LRP1B: variants seen among roughly 807,000 people sequenced by gnomAD.
The protein encoded by LRP1B is low-density lipoprotein receptor-related protein 1B.
A neutral mutation model predicts 556.6 loss-of-function variants in LRP1B; 217 were observed. That is an observed-to-expected ratio of 0.39 (90% CI 0.35 to 0.44). LRP1B has a LOEUF of 0.44. Among genes scored for constraint, LRP1B ranks in the 20% least tolerant of loss-of-function variants. The pLI, the probability that LRP1B is intolerant of heterozygous loss-of-function variation, is 1.00. For missense variants in LRP1B, 5,053 were observed against 5,620.8 expected (o/e 0.90, Z 3.23); for synonymous variants, 2,047 against 1,865.8 (o/e 1.10, Z -2.50).
chr2:141,628,446 G>T (rs975615937), intron 2 of LRP1B, among the ~76,000 whole-genome samples: 5 of 151,512 alleles, frequency 3.3e-5, no homozygotes, highest in Non-Finnish European at 7.4e-5. Flanking sequence ...TGAATAGGAT[G>T]TAAAAAAAAA....
intron 1 of LRP1B, among the ~76,000 whole-genome samples, chr2:141,932,428 CT>C (rs1486397975): frequency 6.6e-6 from 1 of 151,942 alleles, no homozygotes; most frequent in Non-Finnish European, 1.5e-5. Context: ...AAAGTGATGA[CT>C]TTGGGCCTCT....
At position 141,661,483 on chromosome 2, in the gene LRP1B, T is replaced by C. The variant is rs1392061458; in HGVS notation, c.205+148796A>G. Among the ~76,000 whole-genome samples, 4 of 152,230 alleles carry C rather than the reference T, an allele frequency of 2.6e-5. No individual in the cohort carries two copies. The South Asian group carries it at 8.3e-4, about 32-fold the overall frequency. On this transcript the variant is annotated intron_variant, in intron 2 of 90. Transcript: ENST00000389484. ...AGAATAGCCAGTTTAGAAAGAAACA[T>C]AAATGACCTGATGGACTTGAAAAAC...
intron 3 of LRP1B, among the ~76,000 whole-genome samples, chr2:141,392,513 T>A (rs1186071737): frequency 2.8e-5 from 4 of 140,692 alleles, no homozygotes; most frequent in Non-Finnish European, 6.2e-5. Flanking sequence ...ACAGAATGCA[T>A]GGGGCAGGAA....
At chr2:141,262,998 A>C (rs1471866863) in intron 3 of LRP1B, among the ~76,000 whole-genome samples, 1 of 151,952 alleles carries the variant, frequency 6.6e-6, no homozygotes, top group African/African-American at 2.4e-5. Context: ...ACATCTTAAC[A>C]CTACTGAGCC....
intron 11 of LRP1B, among the ~76,000 whole-genome samples, chr2:141,037,289 G>A (rs1698561373): frequency 6.6e-6 from 1 of 151,958 alleles, no homozygotes; most frequent in Non-Finnish European, 1.5e-5. Context: ...CTATTTGATT[G>A]GCCAAATCCT....
intron 11 of LRP1B, among the ~76,000 whole-genome samples, chr2:141,031,499 T>G (rs1698370040): frequency 6.6e-6 from 1 of 151,974 alleles, no homozygotes. Flanking sequence ...TTGCTTCATC[T>G]GAATTTTATA....
intron 23 of LRP1B, among the ~76,000 whole-genome samples, chr2:140,896,714 C>T (rs1693965135): frequency 6.6e-6 from 1 of 151,982 alleles, no homozygotes; most frequent in Non-Finnish European, 1.5e-5. Context: ...TGCCTGGGCT[C>T]AATAGATCCT....
At chr2:140,406,060 A>C (rs1684720655) in intron 66 of LRP1B, among the ~76,000 whole-genome samples, 1 of 152,172 alleles carries the variant, frequency 6.6e-6, no homozygotes, top group South Asian at 2.1e-4. Flanking sequence ...TTAATGTGAT[A>C]CTTCACATAA....
chr2:141,549,163 T>C (rs759087234), intron 2 of LRP1B, among the ~76,000 whole-genome samples: 8 of 152,144 alleles, frequency 5.3e-5, no homozygotes, highest in Non-Finnish European at 1.0e-4. Flanking sequence ...ACAACAAAGT[T>C]TCAATCTTAA....
chr2:141,764,074 C>T (rs908476020), intron 2 of LRP1B, among the ~76,000 whole-genome samples: 2 of 152,004 alleles, frequency 1.3e-5, no homozygotes, highest in Non-Finnish European at 2.9e-5. Flanking sequence ...TCCGAAAATT[C>T]GGATGTTGAA....
intron 1 of LRP1B, among the ~76,000 whole-genome samples, chr2:141,866,589 C>A (rs1190194999): frequency 6.6e-6 from 1 of 152,062 alleles, no homozygotes; most frequent in Non-Finnish European, 1.5e-5. Flanking sequence ...CTATTTGATC[C>A]ACAGTTATTT....
chr2:141,438,248 G>T (rs1680836707), intron 3 of LRP1B, among the ~76,000 whole-genome samples: 1 of 151,924 alleles, frequency 6.6e-6, no homozygotes, highest in African/African-American at 2.4e-5. Context: ...TTGTGTATCT[G>T]TTTTACTTCA....
chr2:141,195,950 T>C (rs1156275857), intron 6 of LRP1B, among the ~76,000 whole-genome samples: 11 of 152,004 alleles, frequency 7.2e-5, no homozygotes. Flanking sequence ...CCATGTGGAA[T>C]TTGGGCAGTA....
intron 20 of LRP1B, among the ~76,000 whole-genome samples, chr2:140,938,837 C>T (rs1204561700): frequency 6.6e-6 from 1 of 151,936 alleles, no homozygotes; most frequent in African/African-American, 2.4e-5. Flanking sequence ...ATGATATATA[C>T]AGAAAAATTT....
intron 2 of LRP1B, among the ~76,000 whole-genome samples, chr2:141,536,010 A>G (rs1387424222): frequency 6.6e-6 from 1 of 152,148 alleles, no homozygotes; most frequent in African/African-American, 2.4e-5. Flanking sequence ...CAACACATAC[A>G]AAAATAGAAT....
At chr2:141,618,251 G>A (rs1488508793) in intron 2 of LRP1B, among the ~76,000 whole-genome samples, 1 of 152,072 alleles carries the variant, frequency 6.6e-6, no homozygotes, top group African/African-American at 2.4e-5. Flanking sequence ...AGTGATTACA[G>A]CAAAAGGCAA....
chr2:141,441,684 T>C (rs1285970323), intron 3 of LRP1B, among the ~76,000 whole-genome samples: 1 of 152,190 alleles, frequency 6.6e-6, no homozygotes, highest in Non-Finnish European at 1.5e-5. Context: ...AGCTGATGCA[T>C]AGAATAATTA....
chr2:141,061,376 AT>A, intron 8 of LRP1B, among the ~76,000 whole-genome samples: 1 of 151,984 alleles, frequency 6.6e-6, no homozygotes, highest in Middle Eastern at 3.4e-3. Flanking sequence ...CTCACATAAA[AT>A]AAGTGCCATT....
intron 2 of LRP1B, among the ~76,000 whole-genome samples, chr2:141,695,977 T>C (rs1691721857): frequency 6.6e-6 from 1 of 151,998 alleles, no homozygotes; most frequent in Non-Finnish European, 1.5e-5. Context: ...GAACTACCTG[T>C]ATTTCTACCT....
Sources: allele counts gnomAD v4.1 joint callset (sites outside exome capture counted in the v4.1 genomes callset), GRCh38; gene constraint gnomAD v4.1.1; transcripts MANE v1.5; gene names NCBI Gene and HGNC (gene_info 2026-07-23, HGNC 2026-07-21).